The following CHST8 variants were observed in gnomAD, a reference collection of about 807,000 sequenced individuals.
CHST8 encodes GALNAC-4-ST1.
In CHST8, 10 loss-of-function variants were observed where a neutral mutation model predicts 15.0. The ratio of observed to expected loss-of-function variants is 0.67; its 90% confidence interval spans 0.41 to 1.13. The LOEUF is 1.13. Among genes scored for constraint, CHST8 ranks in the 50% most tolerant of loss-of-function variants. The pLI, the probability that CHST8 is intolerant of heterozygous loss-of-function variation, is 0.00. For missense variants in CHST8, 634 were observed against 608.2 expected (o/e 1.04, Z -0.45); for synonymous variants, 259 against 256.6 (o/e 1.01, Z -0.09).
chr19:33,678,492 A>C (rs537044898), intron 2 of CHST8, among the ~76,000 whole-genome samples: 1 of 152,336 alleles, frequency 6.6e-6, no homozygotes, highest in East Asian at 1.9e-4. Flanking sequence ...CTGTAAACCC[A>C]GTGCTTTGGG....
chr19:33,623,618 T>C (rs1052297382), intron 1 of CHST8, among the ~76,000 whole-genome samples: 18 of 152,186 alleles, frequency 1.2e-4, no homozygotes, highest in African/African-American at 4.3e-4. Context: ...TGAGTTCACC[T>C]TGACCCTTGC....
intron 2 of CHST8, among the ~76,000 whole-genome samples, chr19:33,671,894 A>T (rs913332344): frequency 2.6e-5 from 4 of 151,912 alleles, no homozygotes; most frequent in African/African-American, 7.3e-5. Context: ...TATTTACCAC[A>T]TGTGTGATTT....
intron 3 of CHST8, among the ~76,000 whole-genome samples, chr19:33,692,376 C>G (rs548691491): frequency 3.3e-5 from 5 of 152,138 alleles, no homozygotes; most frequent in Non-Finnish European, 7.4e-5. Context: ...AAGAGAAAGA[C>G]TTGGAGACCA....
intron 3 of CHST8, among the ~76,000 whole-genome samples, chr19:33,764,193 G>A (rs931508342): frequency 1.3e-5 from 2 of 152,174 alleles, no homozygotes; most frequent in African/African-American, 2.4e-5. Context: ...GCATTGATGG[G>A]CATTGTGCCA....
rs145466326 is a variant in CHST8, at chr19:33,737,144, T to A, written c.131-34269T>A. On this transcript the variant is annotated intron_variant, in intron 3 of 4. Coordinates refer to ENST00000650847, the MANE Select transcript of CHST8 (RefSeq NM_001127895.2). ...CCTTTCCAGAAAAACTCATTAATAA[T>A]CTACCCGTTATTTAGCATGTAGTCA... Among the ~76,000 whole-genome samples, 3 of 152,332 alleles carry A rather than the reference T, an allele frequency of 2.0e-5. No homozygotes were observed. The East Asian group carries it at 5.8e-4, about 29-fold the overall frequency.
chr19:33,681,332 C>G (rs929261339), intron 2 of CHST8, among the ~76,000 whole-genome samples: 3 of 152,212 alleles, frequency 2.0e-5, no homozygotes, highest in Admixed American at 2.0e-4. Context: ...CAGTTTGACA[C>G]TTGCAGTGTG....
intron 1 of CHST8, among the ~76,000 whole-genome samples, chr19:33,633,099 G>C (rs1466598786): frequency 6.6e-6 from 1 of 152,146 alleles, no homozygotes; most frequent in African/African-American, 2.4e-5. Flanking sequence ...CCAAAGTGCT[G>C]GGATTACAGG....
At chr19:33,759,050 C>T (rs1974664139) in intron 3 of CHST8, among the ~76,000 whole-genome samples, 1 of 152,162 alleles carries the variant, frequency 6.6e-6, no homozygotes, top group African/African-American at 2.4e-5. Flanking sequence ...TCACAACAAC[C>T]AGATCTCATG....
intron 1 of CHST8, among the ~76,000 whole-genome samples, chr19:33,641,147 G>C (rs548653445): frequency 1.3e-5 from 2 of 152,094 alleles, no homozygotes; most frequent in African/African-American, 4.8e-5. Context: ...TCAGCTCCTC[G>C]CAGGTGGCTG....
At chr19:33,657,150 CACACACAA>C (rs1159586025) in intron 1 of CHST8, among the ~76,000 whole-genome samples, 112 of 147,832 alleles carry the variant, frequency 7.6e-4, no homozygotes, top group African/African-American at 2.8e-3. Context: ...CACACACACA[CACACACAA>C]ACACACATAT....
chr19:33,739,819 C>A (rs552688188), intron 3 of CHST8, among the ~76,000 whole-genome samples: 1 of 152,242 alleles, frequency 6.6e-6, no homozygotes, highest in East Asian at 1.9e-4. Flanking sequence ...CTGGGCATCT[C>A]TCAAAAAGAG....
chr19:33,622,704 C>A (rs1445865037), intron 1 of CHST8, among the ~76,000 whole-genome samples: 1 of 152,082 alleles, frequency 6.6e-6, no homozygotes, highest in African/African-American at 2.4e-5. Context: ...GCTGGGGCTT[C>A]CTGGCGCGCT....
At chr19:33,626,626 A>C (rs2145431615) in intron 1 of CHST8, among the ~76,000 whole-genome samples, 1 of 152,090 alleles carries the variant, frequency 6.6e-6, no homozygotes, top group Non-Finnish European at 1.5e-5. Context: ...AGAGCCTAGC[A>C]CCTACCCCCT....
intron 3 of CHST8, among the ~76,000 whole-genome samples, chr19:33,713,814 C>T (rs1241291998): frequency 6.6e-6 from 1 of 152,138 alleles, no homozygotes; most frequent in Non-Finnish European, 1.5e-5. Flanking sequence ...CCCGCCTTGG[C>T]CTCCTAGTGT....
chr19:33,640,122 G>A (rs188650387), intron 1 of CHST8, among the ~76,000 whole-genome samples: 173 of 152,264 alleles, frequency 1.1e-3, no homozygotes, highest in Admixed American at 3.0e-3. Context: ...AATTACAGGC[G>A]TAAGCCACTG....
At chr19:33,626,634 C>G (rs959942381) in intron 1 of CHST8, among the ~76,000 whole-genome samples, 1 of 152,110 alleles carries the variant, frequency 6.6e-6, no homozygotes, top group African/African-American at 2.4e-5. Flanking sequence ...GCACCTACCC[C>G]CTACCTCTGT....
chr19:33,699,656 G>A (rs921864611), intron 3 of CHST8, among the ~76,000 whole-genome samples: 2 of 152,100 alleles, frequency 1.3e-5, no homozygotes, highest in East Asian at 1.9e-4. Context: ...TCCAATGCCC[G>A]CGGGTCTGCC....
intron 1 of CHST8, among the ~76,000 whole-genome samples, chr19:33,652,290 CA>C (rs777078811): frequency 4.0e-5 from 6 of 150,226 alleles, no homozygotes; most frequent in African/African-American, 1.2e-4. Context: ...TCTGTGTCAT[CA>C]TGTTTTGAAA....
At position 33,765,053 on chromosome 19, in the gene CHST8, C is replaced by CATATATATAT. The variant is rs72103213; in HGVS notation, c.131-6349_131-6340dup. On this transcript the variant is annotated intron_variant, in intron 3 of 4. Coordinates refer to ENST00000650847, the MANE Select transcript of CHST8 (RefSeq NM_001127895.2). ...TTTTTATGGCTAAGTACTATTCCAT[C>CATATATATAT]ATATATATATATATATATATCAGAG... is the stretch of plus-strand genomic sequence containing the variant. Among the ~76,000 whole-genome samples, 7 of 87,680 alleles carry CATATATATAT rather than the reference C, an allele frequency of 8.0e-5. 1 individual carries two copies. The highest frequency in any genetic ancestry group is 3.0e-4 in the African/African-American group (5 of 16,608). 57.5% of individuals were successfully genotyped at this position (87,680 alleles called of 152,430 possible). A position where few individuals can be genotyped will look rare whatever the true frequency, so the allele number is the denominator to read the frequency against.
Sources: gnomAD v4.1 joint callset for allele counts (sites outside exome capture counted in the v4.1 genomes callset) on GRCh38, gnomAD v4.1.1 for gene constraint, MANE v1.5 for transcripts, NCBI Gene and HGNC (gene_info 2026-07-23, HGNC 2026-07-21) for gene names.